ATRX: variants seen among roughly 807,000 people sequenced by gnomAD.
ATRX encodes the protein ATRX chromatin remodeler.
In ATRX, 12 loss-of-function variants were observed where a neutral mutation model predicts 172.6. The observed-to-expected ratio is 0.07, with a 90% CI of 0.04 to 0.11. The LOEUF is 0.11. Ranked by LOEUF, ATRX falls within the 10% of genes least tolerant of loss-of-function variation. The pLI is 1.00. For synonymous variants in ATRX, 674 were observed against 594.7 expected (o/e 1.13, Z -1.94); for missense variants, 1,368 against 1,767.4 (o/e 0.77, Z 4.05).
chrX:77,778,511 A>G (rs1001344725), intron 1 of ATRX, among the ~76,000 whole-genome samples: 26 of 110,299 alleles, frequency 2.4e-4, no homozygotes, highest in Non-Finnish European at 4.6e-4. Context: ...TCATGAGGTC[A>G]GGAGATCAAG....
chrX:77,523,222 A>G (rs1557042340), intron 31 of ATRX, 30 bp downstream of exon 31: 2 of 1,208,237 alleles, frequency 1.7e-6, no homozygotes, highest in Admixed American at 4.4e-5. Flanking sequence ...CTAACATAAC[A>G]AAAACAAAAA....
Position 77,534,235 on chromosome X carries a change from A to AG in ATRX, c.6700-10835dup, listed in dbSNP as rs2063678325. 2.7e-5 allele frequency among the ~76,000 whole-genome samples: 3 copies of AG among 111,977 alleles called. No homozygotes were observed. In the Admixed American group the frequency reaches 2.9e-4, roughly 11 times the overall value. ...GAGTGCTATGTAAGACATGAATAAG[A>AG]GAAAAAAAAGACATAGGATTTCTGA... is the stretch of plus-strand genomic sequence containing the variant. On this transcript the variant is annotated intron_variant, in intron 30 of 34. Transcript: ENST00000373344.
intron 22 of ATRX, among the ~76,000 whole-genome samples, chrX:77,607,961 C>T (rs184416423): frequency 4.5e-5 from 5 of 110,767 alleles, no homozygotes; most frequent in African/African-American, 9.8e-5. Flanking sequence ...TAAGGAACCA[C>T]GAAAGACCCA....
At chrX:77,534,336 TAAGGGGACAAAA>T (rs1204037201) in intron 30 of ATRX, among the ~76,000 whole-genome samples, 1 of 111,743 alleles carries the variant, frequency 8.9e-6, no homozygotes, top group African/African-American at 3.2e-5. Context: ...ATAATGAAAT[TAAGGGGACAAAA>T]AAGTATTTGT....
rs180675221 is a variant in ATRX at position 77,722,285 on chromosome X, A to C, written c.21-5042T>G. 1.4e-4 allele frequency among the ~76,000 whole-genome samples: 16 copies of C among 111,191 alleles called. No homozygotes were observed. The Admixed American group carries it at 1.5e-3, about 11-fold the overall frequency. ...GGCATGGGCAAAGACTTCATGACTAAAACACCAAAAGCAATGACAACAAAA... is the reference window on the plus strand; with the variant it reads ...GGCATGGGCAAAGACTTCATGACTACAACACCAAAAGCAATGACAACAAAA... On this transcript the variant is annotated intron_variant, in intron 1 of 34. Coordinates refer to ENST00000373344, the MANE Select transcript of ATRX (RefSeq NM_000489.6).
chrX:77,695,056 A>G (rs1294454780), intron 5 of ATRX, among the ~76,000 whole-genome samples: 1 of 52,486 alleles, frequency 1.9e-5, no homozygotes, highest in Non-Finnish European at 4.0e-5. Context: ...AATTAACAAC[A>G]ACGACAAAAA....
chrX:77,634,803 G>T, intron 16 of ATRX, 100 bp from the exon 17 acceptor site: 2 of 712,401 alleles, frequency 2.8e-6, no homozygotes, highest in Non-Finnish European at 4.4e-6. Context: ...CTAAGAAACA[G>T]CATTAAAAAA....
At chrX:77,701,497 A>T (rs1442530014) in intron 2 of ATRX, among the ~76,000 whole-genome samples, 1 of 107,936 alleles carries the variant, frequency 9.3e-6, no homozygotes. Context: ...GGGCAACAAG[A>T]GCAAAACTCC....
At position 77,757,055 on chromosome X, in the gene ATRX, G is replaced by A. The variant is rs782684429; in HGVS notation, c.20+28927C>T. Among the ~76,000 whole-genome samples, 50 of 111,156 alleles carry A rather than the reference G, an allele frequency of 4.5e-4. 1 individual carries two copies. The highest frequency in any genetic ancestry group is 4.6e-3 in the Middle Eastern group (1 of 217). ...TCCGCTTCAACTTCCCAAAGTGCTGGGACTACAGGCATGAACCACTGCACC... is the reference window on the plus strand; with the variant it reads ...TCCGCTTCAACTTCCCAAAGTGCTGAGACTACAGGCATGAACCACTGCACC... On this transcript the variant is annotated intron_variant, in intron 1 of 34. Transcript: ENST00000373344.
chrX:77,521,014 C>T, intron 33 of ATRX, 98 bp from the exon 34 acceptor site: 1 of 881,409 alleles, frequency 1.1e-6, no homozygotes. Flanking sequence ...AGGTTTCAAA[C>T]CCCCCTTTTC....
intron 30 of ATRX, among the ~76,000 whole-genome samples, chrX:77,539,694 G>A (rs1557049867): frequency 1.8e-5 from 2 of 111,743 alleles, no homozygotes; most frequent in African/African-American, 6.5e-5. Context: ...ATTCAACCCA[G>A]AATTTCATAT....
At chrX:77,780,622 G>A (rs1173809864) in intron 1 of ATRX, among the ~76,000 whole-genome samples, 3 of 108,386 alleles carry the variant, frequency 2.8e-5, no homozygotes, top group East Asian at 6.2e-4. Flanking sequence ...GCCACTGCAC[G>A]TGGCCTGTAA....
At chrX:77,640,570 G>A (rs2068604948) in intron 15 of ATRX, among the ~76,000 whole-genome samples, 1 of 110,868 alleles carries the variant, frequency 9.0e-6, no homozygotes, top group Non-Finnish European at 1.9e-5. Flanking sequence ...CTGTAATCAA[G>A]TAGAAAAGTA....
intron 1 of ATRX, among the ~76,000 whole-genome samples, chrX:77,729,385 T>C (rs1557175047): frequency 8.9e-6 from 1 of 111,839 alleles, no homozygotes; most frequent in East Asian, 2.8e-4. Context: ...AAGTAATATC[T>C]AGCTAATATT....
intron 28 of ATRX, among the ~76,000 whole-genome samples, chrX:77,566,651 G>A (rs781962361): frequency 3.6e-5 from 4 of 111,348 alleles, no homozygotes; most frequent in Non-Finnish European, 7.5e-5. Context: ...TACTTGGGAC[G>A]CTGAGGTGGG....
rs2069280007 is a variant in ATRX, at chrX:77,652,214, T to A, written c.4457A>T (p.Asp1486Val). The change falls in exon 15 of 35, where the codon GAT (aspartate) becomes GTT (valine). Residue 1486 changes from aspartate (D) to valine (V), a missense_variant. By Grantham distance (152) the Asp-to-Val change is radical (BLOSUM62 -3). Transcript: ENST00000373344. ...TTGTGTTTCTGTTCTCAGTTTATCA[T>A]CTTTAAGAATCTTCCGAATTTTCTT... ...GRKKIRKILK[D>V]DKLRTETQNA... 8.3e-7 allele frequency: 1 copy of A among 1,211,198 alleles called. No individual in the cohort carries two copies. Among genetic ancestry groups the A allele is most frequent in the South Asian group, 1.8e-5 (1 of 56,970 alleles).
chrX:77,662,287 A>G (rs1400949255), intron 12 of ATRX, among the ~76,000 whole-genome samples: 2 of 111,856 alleles, frequency 1.8e-5, no homozygotes, highest in East Asian at 2.8e-4. Context: ...TGTATCCTCA[A>G]TGCCCACCAT....
intron 28 of ATRX, among the ~76,000 whole-genome samples, chrX:77,560,970 A>G (rs782661553): frequency 9.0e-6 from 1 of 111,598 alleles, no homozygotes; most frequent in African/African-American, 3.2e-5. Context: ...AATCCAAAAT[A>G]CTATGTTATG....
chrX:77,524,192 T>C (rs2063314274), intron 30 of ATRX, among the ~76,000 whole-genome samples: 1 of 111,980 alleles, frequency 8.9e-6, no homozygotes, highest in Admixed American at 9.5e-5. Flanking sequence ...ATTACAGATA[T>C]GTTACTTTTA....
Sources: gnomAD v4.1 joint callset for allele counts (sites outside exome capture counted in the v4.1 genomes callset) on GRCh38, gnomAD v4.1.1 for gene constraint, MANE v1.5 for transcripts, NCBI Gene and HGNC (gene_info 2026-07-23, HGNC 2026-07-21) for gene names.